The following TENM3 variants were observed in gnomAD, a reference collection of about 807,000 sequenced individuals.
TENM3 encodes teneurin-3.
A neutral mutation model predicts 255.1 loss-of-function variants in TENM3; 63 were observed. The ratio of observed to expected loss-of-function variants is 0.25; its 90% confidence interval spans 0.20 to 0.30. The LOEUF is 0.30. Ranked by LOEUF, TENM3 falls within the 10% of genes least tolerant of loss-of-function variation. TENM3 has a pLI of 1.00. For missense variants in TENM3, 2,929 were observed against 3,461.1 expected (o/e 0.85, Z 3.86); for synonymous variants, 1,306 against 1,322.3 (o/e 0.99, Z 0.27).
chr4:182,269,902 G>A (rs1418200311), intron 1 of TENM3, among the ~76,000 whole-genome samples: 1 of 152,108 alleles, frequency 6.6e-6, no homozygotes, highest in East Asian at 1.9e-4. Context: ...AGGGGTAACA[G>A]GCAAAGACAT....
intron 1 of TENM3, among the ~76,000 whole-genome samples, chr4:182,259,888 C>T (rs545449332): frequency 6.6e-6 from 1 of 152,252 alleles, no homozygotes; most frequent in Admixed American, 6.5e-5. Context: ...TTTGTACCCA[C>T]TTATCATCCT....
At chr4:181,556,602 A>G in the TENM3 span, among the ~76,000 whole-genome samples, 1 of 152,150 alleles carries the variant, frequency 6.6e-6, no homozygotes, top group Non-Finnish European at 1.5e-5. Context: ...CATTCATAGT[A>G]AAAGGCATGA....
chr4:182,698,974 C>T (rs923112300), intron 12 of TENM3, among the ~76,000 whole-genome samples: 2 of 152,132 alleles, frequency 1.3e-5, no homozygotes, highest in East Asian at 1.9e-4. Flanking sequence ...ATTTAACATA[C>T]GTTTTTCCAC....
chr4:182,554,651 T>C (rs969306327), intron 3 of TENM3, among the ~76,000 whole-genome samples: 1 of 152,158 alleles, frequency 6.6e-6, no homozygotes, highest in African/African-American at 2.4e-5. Context: ...GAAAAATATG[T>C]AGCATGGAGA....
At position 182,773,521 on chromosome 4, in the gene TENM3, G is replaced by A. The variant is rs1764434309; in HGVS notation, c.4942G>A (p.Val1648Ile). 5 of 1,613,560 alleles carry A rather than the reference G, an allele frequency of 3.1e-6. No homozygotes were observed. In the Admixed American group the frequency reaches 5.0e-5, roughly 16 times the overall value. ...AAATGTTACGTTTCCAACTGGAGTG[G>A]TCACAAACCTGCATGGGGACATGGA... ...LTNVTFPTGV[V>I]TNLHGDMDKA... Residue 1648 changes from valine to isoleucine, a missense_variant, in exon 23 of 28, where the codon GTC (valine) becomes ATC (isoleucine). Around this residue, in one of 6 missense-constraint regions of TENM3, gnomAD observed 1,608 missense variants for 1,884.4 expected, o/e 0.85. Transcript: ENST00000511685.
At chr4:181,662,345 T>TTTA in the TENM3 span, among the ~76,000 whole-genome samples, 3 of 152,206 alleles carry the variant, frequency 2.0e-5, no homozygotes, top group Non-Finnish European at 2.9e-5. Context: ...TTCATTTGAT[T>TTTA]TTAACAATTT....
Position 182,789,299 on chromosome 4 carries a change from T to C in TENM3, c.5511T>C (p.Thr1837=). 1 of 1,613,828 alleles carries C rather than the reference T, an allele frequency of 6.2e-7. No individual in the cohort carries two copies. The highest frequency in any genetic ancestry group is 1.1e-5 in the South Asian group (1 of 90,988). ...GQIASIQRGT[T]SEKVDYDGQG... ...TTGCCAGCATCCAGCGAGGCACCAC[T>C]AGCGAGAAAGTAGATTATGACGGAC... is the stretch of plus-strand genomic sequence containing the variant. The change falls in exon 25 of 28, where the codon ACT becomes ACC. Residue 1837 remains threonine (T), a synonymous_variant. Coordinates refer to ENST00000511685, the MANE Select transcript of TENM3 (RefSeq NM_001080477.4). The surrounding 1 kb of genome is among the most constrained non-coding windows in gnomAD (Gnocchi z 4.4).
At chr4:182,243,541 AAAG>A (rs1757421660) in intron 1 of TENM3, 65 bp downstream of exon 1, 1 of 152,256 alleles carries the variant, frequency 6.6e-6, no homozygotes, top group African/African-American at 2.4e-5. Context: ...GCCTAGAAGA[AAAG>A]GAGGAGAAGA....
At chr4:181,677,740 T>C in the TENM3 span, among the ~76,000 whole-genome samples, 1 of 152,242 alleles carries the variant, frequency 6.6e-6, no homozygotes, top group Middle Eastern at 3.4e-3. Context: ...CTTTAAATGA[T>C]CAGCCATGTC....
chr4:182,087,925 A>G, the TENM3 span, among the ~76,000 whole-genome samples: 2 of 152,202 alleles, frequency 1.3e-5, no homozygotes, highest in African/African-American at 4.8e-5. Context: ...TCATCTTTGT[A>G]ACCCTTAGGA....
the TENM3 span, among the ~76,000 whole-genome samples, chr4:182,089,814 TATTA>T: frequency 6.6e-6 from 1 of 152,222 alleles, no homozygotes; most frequent in Admixed American, 6.5e-5. Flanking sequence ...TTTTTCTATT[TATTA>T]GTGTCCATTA....
intron 3 of TENM3, among the ~76,000 whole-genome samples, chr4:182,561,985 C>CAGATAGATAGATAGATAGATAGAT (rs60745078): frequency 6.9e-6 from 1 of 145,206 alleles, no homozygotes; most frequent in African/African-American, 2.6e-5. Context: ...GATAGATAGA[C>CAGATAGATAGATAGATAGATAGAT]AGATAGATAG....
intron 4 of TENM3, among the ~76,000 whole-genome samples, chr4:182,613,110 A>G (rs1475741703): frequency 6.6e-6 from 1 of 152,238 alleles, no homozygotes; most frequent in African/African-American, 2.4e-5. Flanking sequence ...GATGGCCATC[A>G]ATAATTAAAT....
At chr4:181,627,162 G>A in the TENM3 span, among the ~76,000 whole-genome samples, 2 of 152,212 alleles carry the variant, frequency 1.3e-5, no homozygotes, top group South Asian at 2.1e-4. Flanking sequence ...TTACAAATTG[G>A]GGTGTTTTCA....
chr4:182,710,635 C>G (rs1319075203), intron 12 of TENM3, among the ~76,000 whole-genome samples: 1 of 152,184 alleles, frequency 6.6e-6, no homozygotes, highest in Non-Finnish European at 1.5e-5. Flanking sequence ...ACCTGAGTGG[C>G]CCAACTGAGG....
the TENM3 span, among the ~76,000 whole-genome samples, chr4:181,626,163 C>T: frequency 2.0e-5 from 3 of 152,022 alleles, no homozygotes; most frequent in Admixed American, 6.6e-5. Context: ...ATCAGGAGGG[C>T]GGAGCAAGAC....
chr4:182,154,544 T>G (rs1011470622), intron 1 of TENM3, among the ~76,000 whole-genome samples: 2 of 152,192 alleles, frequency 1.3e-5, no homozygotes, highest in African/African-American at 2.4e-5. Context: ...GGTTACTATT[T>G]TGATGCAAGA....
chr4:181,891,842 T>G, the TENM3 span, among the ~76,000 whole-genome samples: 3 of 152,164 alleles, frequency 2.0e-5, no homozygotes, highest in Non-Finnish European at 4.4e-5. Flanking sequence ...AATTCAAGTG[T>G]GGCCAGTGTG....
the TENM3 span, among the ~76,000 whole-genome samples, chr4:181,507,249 G>A: frequency 6.6e-6 from 1 of 152,142 alleles, no homozygotes; most frequent in African/African-American, 2.4e-5. Context: ...CTAAAGTCAT[G>A]GGGAGAAGAA....
Sources: allele counts gnomAD v4.1 joint callset (sites outside exome capture counted in the v4.1 genomes callset), GRCh38; gene constraint gnomAD v4.1.1; regional missense constraint gnomAD v4.1.1; non-coding constraint Gnocchi (gnomAD v3.1); transcripts MANE v1.5; gene names NCBI Gene and HGNC (gene_info 2026-07-23, HGNC 2026-07-21).